Variants in AAMDC observed in about 807,000 individuals in gnomAD.
The protein encoded by AAMDC is mth938 domain-containing protein.
A neutral mutation model predicts 15.5 loss-of-function variants in AAMDC; 16 were observed. The observed-to-expected ratio is 1.03, with a 90% CI of 0.70 to 1.57. The LOEUF (loss-of-function observed/expected upper bound fraction) is 1.57, where lower values mean the gene tolerates loss of function less well. AAMDC is among the 40% of genes most tolerant of loss of function. The pLI is 0.00. For missense variants in AAMDC, 141 were observed against 144.9 expected (o/e 0.97, Z 0.14); for synonymous variants, 51 against 51.6 (o/e 0.99, Z 0.05).
chr11:77,847,761 G>A (rs1950203471), intron 2 of AAMDC, among the ~76,000 whole-genome samples: 1 of 152,150 alleles, frequency 6.6e-6, no homozygotes, highest in Non-Finnish European at 1.5e-5. Context: ...TAGTGTATTA[G>A]TCAGGGTTCT....
Position 77,893,824 on chromosome 11 carries a change from C to T in AAMDC, c.329-6747C>T, listed in dbSNP as rs1318082184. Among the ~76,000 whole-genome samples the T allele has an allele frequency of 7.2e-5, 11 of 151,780 alleles. 1 individual carries two copies. The South Asian group carries it at 1.9e-3, about 26-fold the overall frequency. The stretch of plus-strand genomic sequence containing the variant: ...AGAAGAATCACTTGAACCCAGGAGG[C>T]GGAGGCTGCAGTGAGCCAAGACTGC... On this transcript the variant is annotated intron_variant, in intron 5 of 5. Coordinates refer to the AAMDC transcript ENST00000304716.
chr11:77,858,194 A>ATT lies in AAMDC; in HGVS notation c.133-11511_133-11510dup, dbSNP rs71046920. Among the ~76,000 whole-genome samples, 6 of 130,808 alleles carry ATT rather than the reference A, an allele frequency of 4.6e-5. No homozygotes were observed. In the Admixed American group the frequency reaches 4.7e-4, roughly 10 times the overall value. The allele number at this position is 130,808 out of a possible 152,430, so 85.8% of individuals were successfully genotyped here. A position where few individuals can be genotyped will look rare whatever the true frequency, so the allele number is the denominator to read the frequency against. On this transcript the variant is annotated intron_variant, in intron 2 of 3. Transcript: ENST00000393427. ...CCACCATGCCTGGCTAATATATATA[A>ATT]TTTTTTTTTTTTTTTTTTGAGACAG...
downstream of AAMDC, among the ~76,000 whole-genome samples, chr11:77,900,975 A>G (rs1292224724): frequency 3.3e-5 from 5 of 152,218 alleles, no homozygotes; most frequent in Non-Finnish European, 5.9e-5. Flanking sequence ...CCAAACAACT[A>G]GTAAGTAGAA....
intron 1 of AAMDC, among the ~76,000 whole-genome samples, chr11:77,834,445 T>TG (rs1375208179): frequency 2.7e-5 from 4 of 146,984 alleles, no homozygotes; most frequent in African/African-American, 7.5e-5. Flanking sequence ...GATTTTGTTT[T>TG]TTTTTTTTTT....
intron 5 of AAMDC, among the ~76,000 whole-genome samples, chr11:77,879,300 CT>C (rs1414378180): frequency 6.6e-6 from 1 of 152,226 alleles, no homozygotes; most frequent in Non-Finnish European, 1.5e-5. Context: ...AGATGTGATG[CT>C]GTTCCATCAC....
At chr11:77,867,139 C>A (rs1348348716) in intron 2 of AAMDC, among the ~76,000 whole-genome samples, 1 of 152,206 alleles carries the variant, frequency 6.6e-6, no homozygotes, top group Non-Finnish European at 1.5e-5. Context: ...CTGTGCCCGG[C>A]CCCCATGCCT....
At chr11:77,891,239 G>A in intron 5 of AAMDC, 3 of 1,349,596 alleles carry the variant, frequency 2.2e-6, no homozygotes, top group Non-Finnish European at 3.1e-6. Context: ...CCCTCAAGTA[G>A]AGACTACAGG....
At chr11:77,875,384 G>A (rs943181213), downstream of AAMDC, among the ~76,000 whole-genome samples, 1 of 152,194 alleles carries the variant, frequency 6.6e-6, no homozygotes, top group African/African-American at 2.4e-5. Context: ...TGTTTTGTTT[G>A]TCTCAGTAAT....
intron 2 of AAMDC, among the ~76,000 whole-genome samples, chr11:77,852,770 T>C (rs1565206152): frequency 6.6e-6 from 1 of 152,146 alleles, no homozygotes. Flanking sequence ...TTTTTTCTTT[T>C]TTTCCCATTT....
Position 77,855,060 on chromosome 11 carries a change from A to G in AAMDC, c.132+12432A>G, listed in dbSNP as rs571709116. On this transcript the variant is annotated intron_variant, in intron 2 of 3. Coordinates refer to ENST00000393427, the MANE Select transcript of AAMDC (RefSeq NM_024684.4). ...CTGAACTGTACCTTGGCCCCTTTTA[A>G]CCATAGCTAGAGCTGGAGTGGCCGT... 1.2e-4 allele frequency among the ~76,000 whole-genome samples: 18 copies of G among 152,074 alleles called. No homozygotes were observed. In the South Asian group the frequency reaches 3.7e-3, roughly 32 times the overall value.
At chr11:77,883,292 T>G (rs1253504659) in intron 5 of AAMDC, among the ~76,000 whole-genome samples, 1 of 152,172 alleles carries the variant, frequency 6.6e-6, no homozygotes. Flanking sequence ...GACTGAGGTC[T>G]TCTTAAGTTT....
rs535373455 is a variant in AAMDC, at chr11:77,821,161, C to A, written c.-99C>A. ...CGGAGGGCAGTTGGGGAGCGCAGAT[C>A]CCGAAGCAGCGCTGGGAGCGTAAGT... On this transcript the variant is annotated 5_prime_UTR_variant, in exon 1 of 4. Transcript: ENST00000393427. 7.8e-6 allele frequency: 3 copies of A among 384,022 alleles called. No homozygotes were observed. Among genetic ancestry groups the A allele is most frequent in the East Asian group, 8.1e-5 (2 of 24,738 alleles). 23.8% of individuals were successfully genotyped at this position (384,022 alleles called of 1,614,324 possible).
chr11:77,881,838 A>C (rs539626973), intron 5 of AAMDC, among the ~76,000 whole-genome samples: 1 of 152,266 alleles, frequency 6.6e-6, no homozygotes, highest in South Asian at 2.1e-4. Context: ...ATAAACAATT[A>C]AAACAGGGAT....
At chr11:77,829,678 A>G (rs1379130468) in intron 1 of AAMDC, 1 of 152,246 alleles carries the variant, frequency 6.6e-6, no homozygotes. Context: ...TAAATCTTTA[A>G]GACCTTGGAT....
chr11:77,827,041 G>A (rs1949208773), intron 1 of AAMDC, among the ~76,000 whole-genome samples: 1 of 152,168 alleles, frequency 6.6e-6, no homozygotes, highest in Admixed American at 6.5e-5. Context: ...GGAGGCAGAG[G>A]TTGCAGTGAG....
chr11:77,896,652 C>CAA (rs58549095), intron 5 of AAMDC, among the ~76,000 whole-genome samples: 6 of 70,638 alleles, frequency 8.5e-5, no homozygotes, highest in African/African-American at 1.8e-4. Context: ...AACTCCGTCT[C>CAA]AAAAAAAAAA....
intron 1 of AAMDC, among the ~76,000 whole-genome samples, chr11:77,822,588 AGG>A (rs1369306075): frequency 6.6e-6 from 1 of 152,166 alleles, no homozygotes; most frequent in Non-Finnish European, 1.5e-5. Context: ...GGTTTTAAAA[AGG>A]GGAAAAACCA....
chr11:77,835,462 A>G (rs1949641718), intron 1 of AAMDC, among the ~76,000 whole-genome samples: 1 of 127,110 alleles, frequency 7.9e-6, no homozygotes, highest in African/African-American at 3.3e-5. Flanking sequence ...GCTTTGGGGT[A>G]TGTTTAACTC....
chr11:77,902,502 A>T (rs868788550), downstream of AAMDC, among the ~76,000 whole-genome samples: 6 of 152,328 alleles, frequency 3.9e-5, no homozygotes, highest in Middle Eastern at 0.017. Context: ...GATTCTGGGT[A>T]TCAGAGGATC....
Sources: allele counts gnomAD v4.1 joint callset (sites outside exome capture counted in the v4.1 genomes callset), GRCh38; gene constraint gnomAD v4.1.1; transcripts MANE v1.5; gene names NCBI Gene and HGNC (gene_info 2026-07-23, HGNC 2026-07-21).